TUT7: variants seen among roughly 807,000 people sequenced by gnomAD.
TUT7 encodes the protein terminal uridylyltransferase 7.
TUT7 carries 33 observed loss-of-function variants against 165.9 expected under a neutral mutation model. That is an observed-to-expected ratio of 0.20 (90% confidence interval 0.15 to 0.27). The LOEUF (loss-of-function observed/expected upper bound fraction) is 0.27, where lower values mean the gene tolerates loss of function less well. TUT7 is among the 10% of genes least tolerant of loss of function. The pLI, the probability that TUT7 is intolerant of heterozygous loss-of-function variation, is 1.00. For missense variants in TUT7, 1,338 were observed against 1,762.3 expected (o/e 0.76, Z 4.31); for synonymous variants, 552 against 608.1 (o/e 0.91, Z 1.36).
rs761726912 is a variant in TUT7 at position 86,309,912 on chromosome 9, T to C, written c.3468+16A>G. 9.9e-5 allele frequency: 158 copies of C among 1,602,230 alleles called. No homozygotes were observed. The highest frequency in any genetic ancestry group is 8.3e-4 in the Middle Eastern group (5 of 6,046). On this transcript the variant is annotated intron_variant, in intron 19 of 26. Coordinates refer to ENST00000375963, the MANE Select transcript of TUT7 (RefSeq NM_024617.4). ...AATGAAATTTCCTGATAAGTCACAA[T>C]AGGAAGCATACTCACCTTTGTAAAT...
intron 10 of TUT7, among the ~76,000 whole-genome samples, chr9:86,331,086 A>G (rs1830272860): frequency 6.6e-6 from 1 of 152,030 alleles, no homozygotes; most frequent in Admixed American, 6.6e-5. Context: ...ATATGTTTTA[A>G]TGTCCCACTT....
intron 5 of TUT7, 181 bp downstream of exon 5, chr9:86,344,796 T>C: frequency 1.7e-6 from 1 of 579,928 alleles, no homozygotes; most frequent in Non-Finnish European, 3.0e-6. Context: ...ATAATGACAA[T>C]GCATATGAAA....
chr9:86,310,101 T>C (rs936561881), intron 18 of TUT7, 84 bp from the exon 19 acceptor site: 5 of 1,168,058 alleles, frequency 4.3e-6, no homozygotes, highest in South Asian at 1.4e-5. Flanking sequence ...TTTTAAATAA[T>C]GGAGATGGGA....
At chr9:86,294,389 A>T (rs1826130974) in intron 26 of TUT7, among the ~76,000 whole-genome samples, 1 of 152,122 alleles carries the variant, frequency 6.6e-6, no homozygotes, top group Non-Finnish European at 1.5e-5. Flanking sequence ...TCATAAAATT[A>T]CATTGATAGT....
chr9:86,319,245 C>A (rs1382197479), intron 15 of TUT7, among the ~76,000 whole-genome samples, 187 bp from the exon 16 acceptor site: 3 of 152,176 alleles, frequency 2.0e-5, no homozygotes, highest in Non-Finnish European at 4.4e-5. Context: ...CCTTTACATA[C>A]AAGCTGTATA....
At chr9:86,329,196 T>C (rs2131483105) in intron 10 of TUT7, among the ~76,000 whole-genome samples, 1 of 152,314 alleles carries the variant, frequency 6.6e-6, no homozygotes, top group Non-Finnish European at 1.5e-5. Flanking sequence ...GGTTTCTTCA[T>C]CGTATGATAG....
At chr9:86,316,081 T>C (rs747738919) in intron 17 of TUT7, among the ~76,000 whole-genome samples, 4 of 152,160 alleles carry the variant, frequency 2.6e-5, no homozygotes, top group Admixed American at 1.3e-4. Flanking sequence ...TTCCTGAGGA[T>C]AGGGGCCATA....
At chr9:86,344,782 G>T in intron 5 of TUT7, 195 bp downstream of exon 5, 1 of 562,998 alleles carries the variant, frequency 1.8e-6, no homozygotes, top group Non-Finnish European at 3.1e-6. Flanking sequence ...ATGGAAACAG[G>T]TTTATAATGA....
Position 86,325,395 on chromosome 9 carries a change from A to T in TUT7, c.1728T>A (p.Arg576=). The T allele has an allele frequency of 6.2e-7, 1 of 1,614,150 alleles. No homozygotes were observed. The highest frequency in any genetic ancestry group is 8.5e-7 in the Non-Finnish European group (1 of 1,180,002). Residue 576 remains arginine, a synonymous_variant, in exon 12 of 27, where the codon CGT becomes CGA. Transcript: ENST00000375963. ...FNLADLVISI[R]VKELVSRELK... ...ATTCCCGAGATACCAATTCTTTGAC[A>T]CGAATACTTATCACTAAATCAGCCA... is the stretch of plus-strand genomic sequence containing the variant.
chr9:86,331,835 G>T (rs990125502), intron 10 of TUT7, among the ~76,000 whole-genome samples: 2 of 152,118 alleles, frequency 1.3e-5, no homozygotes, highest in African/African-American at 4.8e-5. Flanking sequence ...TACAGAATGG[G>T]AGGCAATTTT....
Position 86,325,348 on chromosome 9 carries a change from C to T in TUT7, c.1775G>A (p.Arg592His). 4 of 1,613,538 alleles carry T rather than the reference C, an allele frequency of 2.5e-6. No homozygotes were observed. Among genetic ancestry groups the T allele is most frequent in the African/African-American group, 1.3e-5 (1 of 74,984 alleles). ...SRELKDWPKK[R>H]IAIEDPYSVK... ...TTTTGAGATACCTTCAATGGCAATG[C>T]GCTTTTTGGGCCAATCCTTCAATTC... Residue 592 changes from arginine to histidine, a missense_variant, in exon 12 of 27, where the codon CGC becomes CAC. Coordinates refer to ENST00000375963, the MANE Select transcript of TUT7 (RefSeq NM_024617.4).
chr9:86,332,739 G>T (rs1203059476), intron 10 of TUT7, among the ~76,000 whole-genome samples: 1 of 152,154 alleles, frequency 6.6e-6, no homozygotes, highest in East Asian at 1.9e-4. Context: ...ATGCTTTTTA[G>T]TGGGGATATT....
intron 11 of TUT7, 84 bp from the exon 12 acceptor site, chr9:86,325,598 A>T (rs1056227397): frequency 1.2e-4 from 156 of 1,331,334 alleles, no homozygotes; most frequent in African/African-American, 2.4e-4. Flanking sequence ...GCATCAAATT[A>T]AAAAAATCTG....
intron 14 of TUT7, among the ~76,000 whole-genome samples, chr9:86,320,034 T>C (rs557548186): frequency 6.6e-6 from 1 of 152,202 alleles, no homozygotes; most frequent in East Asian, 1.9e-4. Flanking sequence ...TAAGATGTCC[T>C]TTTTTAAAGA....
At chr9:86,342,497 G>T (rs1831406687) in intron 6 of TUT7, among the ~76,000 whole-genome samples, 1 of 152,058 alleles carries the variant, frequency 6.6e-6, no homozygotes, top group Non-Finnish European at 1.5e-5. Context: ...CTACAGCTTT[G>T]AACTTCTGGG....
intron 22 of TUT7, among the ~76,000 whole-genome samples, chr9:86,305,969 CAA>C (rs1827428698): frequency 6.6e-6 from 1 of 152,060 alleles, no homozygotes; most frequent in Admixed American, 6.6e-5. Flanking sequence ...ATGCTAATGT[CAA>C]AGATTTATGT....
At chr9:86,319,502 A>T in intron 15 of TUT7, 82 bp downstream of exon 15, 1 of 969,430 alleles carries the variant, frequency 1.0e-6, no homozygotes, top group Admixed American at 2.7e-5. Flanking sequence ...TGATTCTCAA[A>T]ATCAGTGTGC....
chr9:86,292,468 CAAA>C (rs113108657), intron 26 of TUT7, among the ~76,000 whole-genome samples: 5 of 103,322 alleles, frequency 4.8e-5, no homozygotes, highest in Admixed American at 1.0e-4. Context: ...GACTTTGTCT[CAAA>C]AAAAAAAAAA....
In TUT7 at chr9:86,317,287, G is replaced by A. The variant is rs182461670; in HGVS notation, c.3217-11C>T. ...GACACAGTCCAATCCCTACAACAAA[G>A]AAGGCATAAAGAACTTAACCAAAAC... is the stretch of plus-strand genomic sequence containing the variant. On this transcript the variant is annotated splice_polypyrimidine_tract_variant and intron_variant, in intron 16 of 26. Coordinates refer to ENST00000375963, the MANE Select transcript of TUT7 (RefSeq NM_024617.4). 70 of 1,612,046 alleles carry A rather than the reference G, an allele frequency of 4.3e-5. No individual in the cohort carries two copies. The African/African-American group carries it at 8.7e-4, about 20-fold the overall frequency.
Sources: gnomAD v4.1 joint callset for allele counts (sites outside exome capture counted in the v4.1 genomes callset) on GRCh38, gnomAD v4.1.1 for gene constraint, MANE v1.5 for transcripts, NCBI Gene and HGNC (gene_info 2026-07-23, HGNC 2026-07-21) for gene names.